The following FBN3 variants were observed in gnomAD, a reference collection of about 807,000 sequenced individuals.
FBN3 encodes the protein fibrillin 3.
In FBN3, 234 loss-of-function variants were observed where a neutral mutation model predicts 330.1. The ratio of observed to expected loss-of-function variants is 0.71; its 90% CI spans 0.64 to 0.79. FBN3 has a LOEUF of 0.79. Ranked by LOEUF, FBN3 falls within the 30% of genes least tolerant of loss-of-function variation. The pLI, the probability that FBN3 is intolerant of heterozygous loss-of-function variation, is 0.00. For synonymous variants in FBN3, 1,458 were observed against 1,517.3 expected (o/e 0.96, Z 0.91); for missense variants, 3,606 against 3,886.9 (o/e 0.93, Z 1.92).
chr19:8,141,902 G>T, intron 7 of FBN3, 38 bp downstream of exon 7: 2 of 1,612,804 alleles, frequency 1.2e-6, no homozygotes, highest in Non-Finnish European at 8.5e-7. Flanking sequence ...AACCAAGGCA[G>T]CTAAGGCCTC....
chr19:8,105,268 T>G (rs1211654449), intron 38 of FBN3, among the ~76,000 whole-genome samples: 2 of 151,464 alleles, frequency 1.3e-5, no homozygotes, highest in Non-Finnish European at 2.9e-5. Context: ...TTTCTTTTTT[T>G]TTTTTTTAAG....
rs1308911281 is a variant in FBN3 at position 8,095,361 on chromosome 19, A to G, written c.5785+14T>C. On this transcript the variant is annotated intron_variant, in intron 46 of 63. Transcript: ENST00000600128. ...GCTGGCTGAGATGCCTCCGAGCACC[A>G]TAGGCAGACTCACCCACACAGTTCT... The G allele has an allele frequency of 5.0e-6, 8 of 1,611,372 alleles. No homozygotes were observed. The highest frequency in any genetic ancestry group is 6.8e-6 in the Non-Finnish European group (8 of 1,178,512).
chr19:8,075,475 A>G lies in FBN3; in HGVS notation c.7454-64T>C, dbSNP rs1050762196. 1.2e-5 allele frequency: 18 copies of G among 1,544,744 alleles called. No individual in the cohort carries two copies. In the African/African-American group the frequency reaches 1.6e-4, roughly 14 times the overall value. On this transcript the variant is annotated intron_variant, in intron 59 of 63. Coordinates refer to ENST00000600128, the MANE Select transcript of FBN3 (RefSeq NM_032447.5). ...TAAGGAACTCGTGTCAGGTGACACAATGCCAGTCCCACCACTGTGTGGCTT... is the reference window on the plus strand; with the variant it reads ...TAAGGAACTCGTGTCAGGTGACACAGTGCCAGTCCCACCACTGTGTGGCTT...
chr19:8,133,865 CA>C (rs2083213253), intron 13 of FBN3, among the ~76,000 whole-genome samples: 1 of 151,822 alleles, frequency 6.6e-6, no homozygotes, highest in African/African-American at 2.4e-5. Context: ...TGGAAGGTGG[CA>C]GGGGCAGAAA....
chr19:8,123,251 G>A (rs879547652), intron 24 of FBN3, among the ~76,000 whole-genome samples: 2 of 152,120 alleles, frequency 1.3e-5, no homozygotes, highest in Admixed American at 6.6e-5. Flanking sequence ...CTACTTAGGA[G>A]GCTGAGGCAG....
In FBN3 at chr19:8,132,997, G is replaced by T; in HGVS notation, c.1701C>A (p.Gly567=). The T allele has an allele frequency of 6.4e-7, 1 of 1,563,468 alleles. No individual in the cohort carries two copies. The highest frequency in any genetic ancestry group is 2.3e-5 in the East Asian group (1 of 42,804). The part of the protein sequence containing the change: ...CKPGFLLAPG[G]HYCMDIDECQ... ...CTCCAGGCTCACCCATGCAGTAGTG[G>T]CCGCCAGGCGCCAGCAGGAAGCCGG... is the stretch of plus-strand genomic sequence containing the variant. The change falls in exon 14 of 64, where the codon GGC becomes GGA. Residue 567 remains glycine (G), a synonymous_variant. Coordinates refer to ENST00000600128, the MANE Select transcript of FBN3 (RefSeq NM_032447.5).
intron 25 of FBN3, among the ~76,000 whole-genome samples, chr19:8,119,813 C>CTTTTT (rs869084219): frequency 1.4e-4 from 7 of 48,778 alleles, no homozygotes; most frequent in Non-Finnish European, 2.4e-4. Flanking sequence ...CGAGCCCAGC[C>CTTTTT]TTTTTTTTTT....
At chr19:8,111,017 C>A in intron 33 of FBN3, 41 bp downstream of exon 33, 2 of 1,613,902 alleles carry the variant, frequency 1.2e-6, no homozygotes, top group Non-Finnish European at 1.7e-6. Context: ...GCAGGGGGGA[C>A]CTACCCACTC....
chr19:8,118,779 A>G, intron 26 of FBN3, 118 bp downstream of exon 26: 1 of 1,313,284 alleles, frequency 7.6e-7, no homozygotes, highest in South Asian at 1.3e-5. Flanking sequence ...GTATGGCCTC[A>G]GAAAGACAGA....
At position 8,072,147 on chromosome 19, in the gene FBN3, G is replaced by A; in HGVS notation, c.7989C>T (p.Asp2663=). ...GFSPGPQDTP[D]KEELLSSEAC... The stretch of plus-strand genomic sequence containing the variant: ...CTTCAGACGAGAGCAGCTCCTCTTT[G>A]TCCGGGGTGTCCTGGGGTCCGGGGC... Residue 2663 remains aspartate (D), a synonymous_variant, in exon 63 of 64, where the codon GAC becomes GAT. Coordinates refer to ENST00000600128, the MANE Select transcript of FBN3 (RefSeq NM_032447.5). The A allele has an allele frequency of 6.2e-7, 1 of 1,601,744 alleles. No individual in the cohort carries two copies. The highest frequency in any genetic ancestry group is 8.5e-7 in the Non-Finnish European group (1 of 1,174,540).
At position 8,085,379 on chromosome 19, in the gene FBN3, G is replaced by A. The variant is rs1272638240; in HGVS notation, c.7071C>T (p.Tyr2357=). 1 of 1,579,752 alleles carries A rather than the reference G, an allele frequency of 6.3e-7. No homozygotes were observed. Among genetic ancestry groups the A allele is most frequent in the Non-Finnish European group, 8.6e-7 (1 of 1,166,388 alleles). ...GGCACCCACCTCGGCCCTCAGCAGT[G>A]TAGCCTGAGCCATGGGGGCACAGCT... ...YRKLCPHGSG[Y]TAEGRDVDEC... Residue 2357 remains tyrosine, a synonymous_variant, in exon 56 of 64, where the codon TAC becomes TAT. Coordinates refer to ENST00000600128, the MANE Select transcript of FBN3 (RefSeq NM_032447.5).
In FBN3 at chr19:8,111,967, A is replaced by G; in HGVS notation, c.3961+10T>C. ...TGCTTTGCCCCCACTCCCTGCCCCC[A>G]GGTACTCACCGTGACATTCGAAGCC... On this transcript the variant is annotated intron_variant, in intron 31 of 63. Coordinates refer to ENST00000600128, the MANE Select transcript of FBN3 (RefSeq NM_032447.5). 7.6e-7 allele frequency: 1 copy of G among 1,313,770 alleles called. No homozygotes were observed. The highest frequency in any genetic ancestry group is 1.0e-6 in the Non-Finnish European group (1 of 970,424). The allele number at this position is 1,313,770 out of a possible 1,614,324, so 81.4% of individuals were successfully genotyped here.
chr19:8,096,139 G>T lies in FBN3; in HGVS notation c.5540-59C>A. The T allele has an allele frequency of 7.6e-7, 1 of 1,311,738 alleles. No individual in the cohort carries two copies. Among genetic ancestry groups the T allele is most frequent in the Non-Finnish European group, 1.1e-6 (1 of 905,538 alleles). The allele number at this position is 1,311,738 out of a possible 1,614,324, so 81.3% of individuals were successfully genotyped here. A position where few individuals can be genotyped will look rare whatever the true frequency, so the allele number is the denominator to read the frequency against. On this transcript the variant is annotated intron_variant, in intron 44 of 63. Coordinates refer to ENST00000600128, the MANE Select transcript of FBN3 (RefSeq NM_032447.5). This position sits in a 1 kb window ranked among gnomAD's most constrained non-coding sequence, Gnocchi z 4.6. ...CACCCAGGGCATTGGGGAACTTGGG[G>T]AGTGAGAGGCCAGCTGGACCTAGCA...
intron 56 of FBN3, 27 bp downstream of exon 56, chr19:8,085,336 G>C (rs752223593): frequency 1.3e-6 from 2 of 1,545,180 alleles, no homozygotes; most frequent in Non-Finnish European, 1.7e-6. Flanking sequence ...TTGCCTCCCT[G>C]GGGGTCCTGA....
rs759336128 is a variant in FBN3 at position 8,081,058 on chromosome 19, G to T, written c.7398C>A (p.Gly2466=). The T allele has an allele frequency of 6.2e-7, 1 of 1,613,434 alleles. No individual in the cohort carries two copies. Among genetic ancestry groups the T allele is most frequent in the South Asian group, 1.1e-5 (1 of 91,082 alleles). The change falls in exon 59 of 64, where the codon GGC becomes GGA. Residue 2466 remains glycine (G), a synonymous_variant. Transcript: ENST00000600128. ...NCQFLCVNTV[G]AFTCRCPPGF... ...CGGGCGGACAGCGGCAGGTGAAGGC[G>T]CCCACAGTGTTGACACAGAGGAACT...
In FBN3 at chr19:8,111,172, A is replaced by G. The variant is rs777577435; in HGVS notation, c.4096T>C (p.Cys1366Arg). The G allele has an allele frequency of 7.5e-6, 12 of 1,602,666 alleles. No individual in the cohort carries two copies. The highest frequency in any genetic ancestry group is 1.0e-5 in the Non-Finnish European group (12 of 1,174,016). Residue 1366 changes from cysteine to arginine, a missense_variant, in exon 33 of 64, where the codon TGT becomes CGT. Transcript: ENST00000600128. ...DGFFCEDRDECAENVDLCDNG... is the reference protein window; with the variant it reads ...DGFFCEDRDERAENVDLCDNG... ...TCACAGAGGTCCACGTTCTCGGCAC[A>G]TTCATCCCTGTCTGAGGGGCCCCAA...
At chr19:8,127,982 C>G (rs2083034148) in intron 18 of FBN3, among the ~76,000 whole-genome samples, 4 of 151,440 alleles carry the variant, frequency 2.6e-5, no homozygotes, top group Admixed American at 2.6e-4. Context: ...GCCTGGGTGA[C>G]AGAGCGAGAC....
chr19:8,083,211 TG>T, intron 57 of FBN3, 35 bp downstream of exon 57: 3 of 1,612,426 alleles, frequency 1.9e-6, no homozygotes, highest in Non-Finnish European at 1.7e-6. Context: ...GTGGCCAGGC[TG>T]GGCCAAGGGT....
In FBN3 at chr19:8,103,621, T is replaced by C. The variant is rs762585165; in HGVS notation, c.4880A>G (p.Asn1627Ser). 6.2e-7 allele frequency: 1 copy of C among 1,613,618 alleles called. No individual in the cohort carries two copies. The highest frequency in any genetic ancestry group is 1.7e-5 in the Admixed American group (1 of 59,978). Reference sequence around the variant, plus strand: ...CTCTGCAGGGCAGACACAGGTGTAGTTCCCCAGGGTGTTGTAGCAGGTGCC... The same window carrying C: ...CTCTGCAGGGCAGACACAGGTGTAGCTCCCCAGGGTGTTGTAGCAGGTGCC... ...GPGTCYNTLG[N>S]YTCVCPAEYL... The change falls in exon 39 of 64, where the codon AAC becomes AGC. Residue 1627 changes from asparagine (N) to serine (S), a missense_variant. Physicochemically the swap from Asn to Ser is conservative, Grantham distance 46 (BLOSUM62 1). Coordinates refer to ENST00000600128, the MANE Select transcript of FBN3 (RefSeq NM_032447.5).
Sources: allele counts gnomAD v4.1 joint callset (sites outside exome capture counted in the v4.1 genomes callset), GRCh38; gene constraint gnomAD v4.1.1; non-coding constraint Gnocchi (gnomAD v3.1); transcripts MANE v1.5; gene names NCBI Gene and HGNC (gene_info 2026-07-23, HGNC 2026-07-21).